The following CPNE8 variants were observed in gnomAD, a reference collection of about 807,000 sequenced individuals.
The protein encoded by CPNE8 is copine-8.
In CPNE8, 45 loss-of-function variants were observed where a neutral mutation model predicts 81.5. The observed-to-expected ratio is 0.55, with a 90% CI of 0.44 to 0.71. The LOEUF (loss-of-function observed/expected upper bound fraction) is 0.71, where lower values mean the gene tolerates loss of function less well. Ranked by LOEUF, CPNE8 falls within the 30% of genes least tolerant of loss-of-function variation. The pLI, the probability that CPNE8 is intolerant of heterozygous loss-of-function variation, is 0.00. For synonymous variants in CPNE8, 252 were observed against 226.3 expected (o/e 1.11, Z -1.02); for missense variants, 594 against 672.1 (o/e 0.88, Z 1.28).
chr12:38,682,657 T>C (rs570025627), intron 16 of CPNE8, among the ~76,000 whole-genome samples: 4 of 152,244 alleles, frequency 2.6e-5, no homozygotes, highest in Non-Finnish European at 4.4e-5. Context: ...TATATGTGCA[T>C]GTATATGAAT....
At chr12:38,828,564 A>G (rs1279514699) in intron 6 of CPNE8, among the ~76,000 whole-genome samples, 2 of 152,196 alleles carry the variant, frequency 1.3e-5, no homozygotes, top group Admixed American at 6.5e-5. Context: ...TATTTATGTC[A>G]GAAATAAACA....
chr12:38,675,217 C>A (rs1939261480), intron 18 of CPNE8, among the ~76,000 whole-genome samples: 1 of 152,206 alleles, frequency 6.6e-6, no homozygotes, highest in African/African-American at 2.4e-5. Flanking sequence ...GACACAACTT[C>A]TTTATTTATA....
intron 5 of CPNE8, among the ~76,000 whole-genome samples, chr12:38,830,103 C>T (rs528178201): frequency 2.6e-5 from 4 of 152,190 alleles, no homozygotes; most frequent in Admixed American, 2.0e-4. Context: ...TATACTATAA[C>T]GTTCATTAAC....
chr12:38,834,329 A>G (rs1241823146), intron 5 of CPNE8, among the ~76,000 whole-genome samples: 1 of 152,100 alleles, frequency 6.6e-6, no homozygotes, highest in Non-Finnish European at 1.5e-5. Flanking sequence ...CAAATTTAAC[A>G]TGAACTTGGC....
At chr12:38,762,990 C>G (rs563521434) in intron 8 of CPNE8, among the ~76,000 whole-genome samples, 3 of 152,178 alleles carry the variant, frequency 2.0e-5, no homozygotes, top group Non-Finnish European at 4.4e-5. Context: ...TTCCGAGTAG[C>G]TGGGATTACA....
chr12:38,896,667 G>C (rs1422246149), intron 1 of CPNE8, among the ~76,000 whole-genome samples: 1 of 152,064 alleles, frequency 6.6e-6, no homozygotes, highest in Non-Finnish European at 1.5e-5. Context: ...TTGTGTCTTG[G>C]CAGAAGTGGG....
At chr12:38,843,172 A>T (rs182875226) in intron 4 of CPNE8, among the ~76,000 whole-genome samples, 90 of 152,308 alleles carry the variant, frequency 5.9e-4, no homozygotes, top group African/African-American at 2.1e-3. Flanking sequence ...CCTTATTACT[A>T]CAGTAATGAA....
intron 19 of CPNE8, among the ~76,000 whole-genome samples, chr12:38,660,337 C>A (rs1448120528): frequency 1.3e-5 from 2 of 152,106 alleles, no homozygotes; most frequent in Non-Finnish European, 2.9e-5. Flanking sequence ...TGATCTTTGA[C>A]AAACCTGACA....
chr12:38,902,372 GAA>G (rs1224045231), intron 1 of CPNE8, among the ~76,000 whole-genome samples: 1,765 of 74,092 alleles, frequency 0.024, 25 homozygotes, highest in Non-Finnish European at 0.028. Context: ...AAGAAAGAAA[GAA>G]AGAAAGAAAA....
intron 6 of CPNE8, among the ~76,000 whole-genome samples, chr12:38,786,571 G>A (rs1156923925): frequency 2.6e-5 from 4 of 152,034 alleles, no homozygotes; most frequent in Admixed American, 2.6e-4. Context: ...CCTATTATGG[G>A]ACTTTGTGAT....
intron 6 of CPNE8, among the ~76,000 whole-genome samples, chr12:38,810,480 G>A (rs11612004): frequency 0.29 from 43,820 of 151,876 alleles, 8,203 homozygotes; most frequent in Non-Finnish European, 0.41. Flanking sequence ...GAGAGTCTTC[G>A]GCCATTTGGG....
intron 1 of CPNE8, among the ~76,000 whole-genome samples, chr12:38,896,287 G>A (rs937259311): frequency 6.6e-6 from 1 of 152,120 alleles, no homozygotes; most frequent in South Asian, 2.1e-4. Flanking sequence ...GAATAAACCT[G>A]ACAAAAACCC....
At chr12:38,811,520 T>C (rs1942935222) in intron 6 of CPNE8, among the ~76,000 whole-genome samples, 1 of 151,878 alleles carries the variant, frequency 6.6e-6, no homozygotes, top group Non-Finnish European at 1.5e-5. Context: ...TTAAGAAACA[T>C]AAAAAAAGTC....
chr12:38,745,831 G>A (rs549497200), intron 10 of CPNE8, among the ~76,000 whole-genome samples: 2 of 152,228 alleles, frequency 1.3e-5, no homozygotes, highest in South Asian at 4.1e-4. Flanking sequence ...CGTGAGCCAC[G>A]GCACCCCATA....
At chr12:38,793,817 C>T (rs1252875331) in intron 6 of CPNE8, among the ~76,000 whole-genome samples, 1 of 151,912 alleles carries the variant, frequency 6.6e-6, no homozygotes. Context: ...TTCAAGATTT[C>T]AAAGCATATT....
At chr12:38,878,607 G>C (rs750885992) in intron 1 of CPNE8, among the ~76,000 whole-genome samples, 7 of 152,150 alleles carry the variant, frequency 4.6e-5, no homozygotes, top group Non-Finnish European at 1.0e-4. Flanking sequence ...AGTAGTTACT[G>C]AGTAGCCAAT....
chr12:38,662,868 C>A (rs943186903), intron 19 of CPNE8, among the ~76,000 whole-genome samples: 1 of 151,882 alleles, frequency 6.6e-6, no homozygotes, highest in Non-Finnish European at 1.5e-5. Flanking sequence ...TTGACAAATG[C>A]ATCAAGAACA....
intron 19 of CPNE8, among the ~76,000 whole-genome samples, chr12:38,662,094 A>G (rs1045012216): frequency 2.0e-5 from 3 of 152,180 alleles, no homozygotes; most frequent in Admixed American, 6.5e-5. Context: ...AAGAACTTGA[A>G]CAAGAGAAAG....
At chr12:38,842,236 A>T (rs1026071612) in intron 4 of CPNE8, among the ~76,000 whole-genome samples, 5 of 152,204 alleles carry the variant, frequency 3.3e-5, no homozygotes, top group African/African-American at 1.2e-4. Context: ...ATATAAGAAA[A>T]TTTTTTTAAA....
Sources: allele counts gnomAD v4.1 joint callset (sites outside exome capture counted in the v4.1 genomes callset), GRCh38; gene constraint gnomAD v4.1.1; transcripts MANE v1.5; gene names NCBI Gene and HGNC (gene_info 2026-07-23, HGNC 2026-07-21).